Variants in GRM8 observed in about 807,000 individuals in gnomAD.
GRM8 encodes the protein glutamate metabotropic receptor 8, also known as metabotropic glutamate receptor 8.
GRM8 carries 47 observed loss-of-function variants against 87.2 expected under a neutral mutation model. The observed-to-expected ratio is 0.54, with a 90% confidence interval of 0.43 to 0.69. GRM8 has a LOEUF of 0.69. Ranked by LOEUF, GRM8 falls within the 30% of genes least tolerant of loss-of-function variation. The pLI is 0.00. For synonymous variants in GRM8, 396 were observed against 404.5 expected, an observed-to-expected ratio of 0.98 and a Z score of 0.25; for missense variants, 1,019 against 1,139.2, an observed-to-expected ratio of 0.89 and a Z score of 1.52.
At chr7:126,604,158 C>T (rs186128803) in intron 8 of GRM8, among the ~76,000 whole-genome samples, 3 of 152,054 alleles carry the variant, frequency 2.0e-5, no homozygotes, top group Admixed American at 2.0e-4. Flanking sequence ...AAAATACATA[C>T]ATTCAATTAA....
intron 6 of GRM8, among the ~76,000 whole-genome samples, chr7:126,832,540 AAT>A (rs1192661606): frequency 1.3e-5 from 2 of 152,208 alleles, no homozygotes; most frequent in African/African-American, 2.4e-5. Context: ...TACTACAATT[AAT>A]ATGTTTGCCT....
chr7:126,932,746 T>C (rs1055237410), intron 3 of GRM8, among the ~76,000 whole-genome samples: 1 of 152,158 alleles, frequency 6.6e-6, no homozygotes, highest in Non-Finnish European at 1.5e-5. Context: ...GAAAAAAGAA[T>C]AATAGTCCCT....
intron 6 of GRM8, among the ~76,000 whole-genome samples, chr7:126,823,828 T>C (rs993840758): frequency 6.6e-6 from 1 of 152,188 alleles, no homozygotes; most frequent in East Asian, 1.9e-4. Flanking sequence ...GTACAGCAGC[T>C]TAAACCTTAA....
chr7:126,490,963 C>T (rs548780167), intron 9 of GRM8, among the ~76,000 whole-genome samples: 1 of 152,124 alleles, frequency 6.6e-6, no homozygotes, highest in South Asian at 2.1e-4. Context: ...TATTTTCGAA[C>T]CATTCAACTC....
chr7:126,891,932 T>G (rs1388309284), intron 6 of GRM8, among the ~76,000 whole-genome samples: 2 of 150,526 alleles, frequency 1.3e-5, no homozygotes, highest in Admixed American at 1.3e-4. Flanking sequence ...TAAGGAAGCC[T>G]ATTTGTGCCA....
intron 3 of GRM8, among the ~76,000 whole-genome samples, chr7:126,929,487 G>A (rs976368531): frequency 6.6e-6 from 1 of 152,084 alleles, no homozygotes; most frequent in Admixed American, 6.5e-5. Context: ...AGGCTGCAGT[G>A]CAGTGGCGCG....
chr7:126,460,578 G>T (rs2150517842), intron 9 of GRM8, among the ~76,000 whole-genome samples: 1 of 151,638 alleles, frequency 6.6e-6, no homozygotes, highest in Non-Finnish European at 1.5e-5. Context: ...CATAAGCTCT[G>T]TGATGTAAAA....
rs926007536 is a variant in GRM8, at chr7:127,243,586, C to T, written c.-311-71G>A. The T allele has an allele frequency of 1.2e-4, 22 of 177,546 alleles. No homozygotes were observed. The East Asian group carries it at 1.9e-3, about 15-fold the overall frequency. The allele number at this position is 177,546 out of a possible 1,614,324, so 11.0% of individuals were successfully genotyped here. On this transcript the variant is annotated intron_variant, in intron 1 of 10. Transcript: ENST00000339582. ...GTTTCACATTTTGCAGCCCTGTTTA[C>T]GCCAGCCTCTTAAAAAAAAAATCCC...
chr7:127,059,198 GA>G (rs200649077), intron 3 of GRM8, among the ~76,000 whole-genome samples: 1 of 151,534 alleles, frequency 6.6e-6, no homozygotes, highest in Non-Finnish European at 1.5e-5. Flanking sequence ...AGGCAGAGAA[GA>G]AAAAAATTCC....
At chr7:126,538,088 C>T (rs1468555136) in intron 8 of GRM8, among the ~76,000 whole-genome samples, 1 of 152,120 alleles carries the variant, frequency 6.6e-6, no homozygotes, top group African/African-American at 2.4e-5. Context: ...CTTATCTTGA[C>T]AATGTTTACC....
At chr7:126,636,382 C>G (rs986836192) in intron 7 of GRM8, among the ~76,000 whole-genome samples, 1 of 151,992 alleles carries the variant, frequency 6.6e-6, no homozygotes. Flanking sequence ...TGGCATATAA[C>G]CTATGTACAT....
At chr7:126,698,177 C>T (rs1173483915) in intron 7 of GRM8, among the ~76,000 whole-genome samples, 39 of 152,058 alleles carry the variant, frequency 2.6e-4, no homozygotes, top group Admixed American at 2.6e-3. Context: ...CTTCTCTGGT[C>T]ATCTTTAATT....
intron 6 of GRM8, among the ~76,000 whole-genome samples, chr7:126,843,672 T>G (rs773029605): frequency 1.3e-5 from 2 of 152,222 alleles, no homozygotes; most frequent in Non-Finnish European, 2.9e-5. Context: ...TTTGGCATTC[T>G]TTTTAAAGAT....
At chr7:126,907,272 G>C in intron 3 of GRM8, among the ~76,000 whole-genome samples, 1 of 146,972 alleles carries the variant, frequency 6.8e-6, no homozygotes, top group Non-Finnish European at 1.5e-5. Flanking sequence ...AGGAGGAGGA[G>C]GAGGAAGAAG....
chr7:126,994,552 A>G (rs1167701131), intron 3 of GRM8, among the ~76,000 whole-genome samples: 4 of 152,086 alleles, frequency 2.6e-5, no homozygotes, highest in East Asian at 3.9e-4. Context: ...ATTGACCACA[A>G]TCTGACTGAA....
chr7:126,562,361 CTGTT>C (rs1793798994), intron 8 of GRM8, among the ~76,000 whole-genome samples: 1 of 152,138 alleles, frequency 6.6e-6, no homozygotes, highest in African/African-American at 2.4e-5. Context: ...TTATTTCAAA[CTGTT>C]TGGTATGGGT....
At chr7:126,661,770 G>A (rs1038625075) in intron 7 of GRM8, among the ~76,000 whole-genome samples, 1 of 152,178 alleles carries the variant, frequency 6.6e-6, no homozygotes, top group Non-Finnish European at 1.5e-5. Context: ...AAGTGTGACT[G>A]CCATACTCTT....
At chr7:126,913,252 G>T (rs1197090846) in intron 3 of GRM8, among the ~76,000 whole-genome samples, 1 of 152,174 alleles carries the variant, frequency 6.6e-6, no homozygotes, top group African/African-American at 2.4e-5. Context: ...AGTATCTCAA[G>T]TTGGTTCACA....
chr7:127,125,010 G>C (rs1827283825), intron 2 of GRM8, among the ~76,000 whole-genome samples: 1 of 152,054 alleles, frequency 6.6e-6, no homozygotes. Flanking sequence ...CCCTCAACGT[G>C]ATAATGGACA....
Sources: allele counts gnomAD v4.1 joint callset (sites outside exome capture counted in the v4.1 genomes callset), GRCh38; gene constraint gnomAD v4.1.1; transcripts MANE v1.5; gene names NCBI Gene and HGNC (gene_info 2026-07-23, HGNC 2026-07-21).